Variants in LCK observed in about 807,000 individuals in gnomAD.
The protein encoded by LCK is LCK proto-oncogene, Src family tyrosine kinase, also known as tyrosine-protein kinase Lck.
In LCK, 14 loss-of-function variants were observed where a neutral mutation model predicts 64.6. The ratio of observed to expected loss-of-function variants is 0.22; its 90% CI spans 0.14 to 0.34. The LOEUF (loss-of-function observed/expected upper bound fraction) is 0.34. LCK is among the 10% of genes least tolerant of loss of function. The pLI is 1.00. For missense variants in LCK, 434 were observed against 668.1 expected (o/e 0.65, Z 3.86); for synonymous variants, 277 against 263.6 (o/e 1.05, Z -0.49).
At chr1:32,281,283 A>G (rs1352764858) in intron 12 of LCK, among the ~76,000 whole-genome samples, 1 of 150,850 alleles carries the variant, frequency 6.6e-6, no homozygotes, top group Non-Finnish European at 1.5e-5. Flanking sequence ...AAAAAAAAAA[A>G]CAAACAAACA....
intron 1 of LCK, among the ~76,000 whole-genome samples, chr1:32,268,623 AAAGTAAATAAATAAAT>A (rs1446865113): frequency 7.9e-5 from 12 of 151,924 alleles, no homozygotes; most frequent in South Asian, 2.1e-4. Flanking sequence ...GATACCCATA[AAAGTAAATAAATAAAT>A]AAGTAAATAA....
chr1:32,281,146 G>A (rs559719277), intron 12 of LCK, among the ~76,000 whole-genome samples: 53 of 151,986 alleles, frequency 3.5e-4, no homozygotes, highest in Non-Finnish European at 6.8e-4. Context: ...GGCTGAGGTG[G>A]GAGGATCACC....
intron 12 of LCK, 49 bp from the exon 13 acceptor site, chr1:32,285,465 T>A: frequency 2.6e-6 from 4 of 1,529,860 alleles, no homozygotes; most frequent in Non-Finnish European, 3.6e-6. Flanking sequence ...CCCTTGCCTG[T>A]GGGCTTCCAG....
chr1:32,257,309 C>T (rs1263435649), intron 1 of LCK, among the ~76,000 whole-genome samples: 1 of 150,358 alleles, frequency 6.7e-6, no homozygotes, highest in Non-Finnish European at 1.5e-5. Context: ...AGCGTAGTGG[C>T]CCAATCTTGG....
chr1:32,258,533 G>C (rs1365893077), intron 1 of LCK, among the ~76,000 whole-genome samples: 1 of 149,208 alleles, frequency 6.7e-6, no homozygotes, highest in Non-Finnish European at 1.5e-5. Flanking sequence ...TGTAATCCCA[G>C]CACTTTGGGA....
intron 1 of LCK, among the ~76,000 whole-genome samples, chr1:32,273,469 T>C (rs951605270): frequency 6.6e-6 from 1 of 151,760 alleles, no homozygotes; most frequent in Non-Finnish European, 1.5e-5. Flanking sequence ...TTCATCTTGA[T>C]ATGAAAGGTC....
At chr1:32,262,868 G>GAA (rs539749343) in intron 1 of LCK, among the ~76,000 whole-genome samples, 2,020 of 85,526 alleles carry the variant, frequency 0.024, 49 homozygotes, top group African/African-American at 0.066. Flanking sequence ...GAGGAAGGGA[G>GAA]AAAAAAAAAA....
chr1:32,275,280 G>C lies in LCK; in HGVS notation c.279-41G>C, dbSNP rs1324484687. 2.5e-5 allele frequency: 40 copies of C among 1,600,740 alleles called. No individual in the cohort carries two copies. The highest frequency in any genetic ancestry group is 5.0e-5 in the Admixed American group (3 of 59,906). Reference sequence around the variant, plus strand: ...GGTCTTTGAGGGAGGGTCTCAGGTCGACGGCTGAGCGAGCCACACTGACCC... The same window carrying C: ...GGTCTTTGAGGGAGGGTCTCAGGTCCACGGCTGAGCGAGCCACACTGACCC... On this transcript the variant is annotated intron_variant, in intron 4 of 12. Coordinates refer to ENST00000336890, the MANE Select transcript of LCK (RefSeq NM_005356.5). The surrounding 1 kb of genome is among the most constrained non-coding windows in gnomAD (Gnocchi z 6.9).
In LCK at chr1:32,280,173, G is replaced by A. The variant is rs371007675; in HGVS notation, c.1290G>A (p.Leu430=). Reference sequence around the variant, plus strand: ...ATGTGTGGTCTTTTGGGATCCTGCTGACGGAAATTGTCACCCACGGCCGCA... The same window carrying A: ...ATGTGTGGTCTTTTGGGATCCTGCTAACGGAAATTGTCACCCACGGCCGCA... ...KSDVWSFGIL[L]TEIVTHGRIP... is the part of the protein sequence containing the mutation. Residue 430 remains leucine, a synonymous_variant, in exon 12 of 13, where the codon CTG becomes CTA. Coordinates refer to ENST00000336890, the MANE Select transcript of LCK (RefSeq NM_005356.5). 69 of 1,614,128 alleles carry A rather than the reference G, an allele frequency of 4.3e-5. No homozygotes were observed. In the East Asian group the frequency reaches 5.3e-4, roughly 13 times the overall value.
chr1:32,278,014 A>C (rs1640334821), intron 9 of LCK, among the ~76,000 whole-genome samples: 1 of 152,040 alleles, frequency 6.6e-6, no homozygotes, highest in Non-Finnish European at 1.5e-5. Context: ...CATTCCTACA[A>C]AAAAATGTTT....
intron 12 of LCK, among the ~76,000 whole-genome samples, chr1:32,282,789 GA>G (rs1259762881): frequency 1.3e-5 from 2 of 152,008 alleles, no homozygotes; most frequent in Admixed American, 6.6e-5. Flanking sequence ...CTGGGTGACA[GA>G]GTGAGAGTCC....
intron 1 of LCK, among the ~76,000 whole-genome samples, chr1:32,252,779 G>T (rs1165079676): frequency 6.6e-6 from 1 of 152,234 alleles, no homozygotes; most frequent in African/African-American, 2.4e-5. Context: ...TGTCTCTTAA[G>T]ATCTGGAAAG....
intron 1 of LCK, among the ~76,000 whole-genome samples, chr1:32,266,668 T>TCTCCTCCCCCTCCCCTTCCCC (rs1639922527): frequency 1.3e-4 from 1 of 7,626 alleles, no homozygotes; most frequent in Non-Finnish European, 2.3e-4. Context: ...TCCTCATCCC[T>TCTCCTCCCCCTCCCCTTCCCC]CTCCTCCCCC....
chr1:32,276,052 G>T lies in LCK; in HGVS notation c.620G>T (p.Arg207Leu), dbSNP rs769163098. 2 of 1,613,940 alleles carry T rather than the reference G, an allele frequency of 1.2e-6. No homozygotes were observed. Among genetic ancestry groups the T allele is most frequent in the Non-Finnish European group, 1.7e-6 (2 of 1,179,972 alleles). ...ITFPGLHELV[R>L]HYTNASDGLC... The stretch of plus-strand genomic sequence containing the variant: ...TTTCCCGGCCTGCATGAACTGGTCC[G>T]CCATTACACCAGTGAGCCCGACGGG... Residue 207 changes from arginine to leucine, a missense_variant, in exon 7 of 13, where the codon CGC becomes CTC. Arg to Leu is a moderately radical substitution (Grantham distance 102). Coordinates refer to ENST00000336890, the MANE Select transcript of LCK (RefSeq NM_005356.5). This position sits in a 1 kb window ranked among gnomAD's most constrained non-coding sequence, Gnocchi z 4.6.
At position 32,263,803 on chromosome 1, in the gene LCK, C is replaced by T. The variant is rs532326967; in HGVS notation, c.-5-10522C>T. Among the ~76,000 whole-genome samples the T allele has an allele frequency of 2.0e-5, 3 of 152,158 alleles. No individual in the cohort carries two copies. In the South Asian group the frequency reaches 6.2e-4, roughly 32 times the overall value. On this transcript the variant is annotated intron_variant, in intron 1 of 12. Transcript: ENST00000336890. Reference sequence around the variant, plus strand: ...GCATGGGCCTGCAGTCCCCACTACTCAGGAGGCTGAGGTAAGAGGATCCCT... The same window carrying T: ...GCATGGGCCTGCAGTCCCCACTACTTAGGAGGCTGAGGTAAGAGGATCCCT...
In LCK at chr1:32,276,933, C is replaced by T. The variant is rs867839412; in HGVS notation, c.964+147C>T. 4.7e-5 allele frequency: 39 copies of T among 821,610 alleles called. No homozygotes were observed. The Middle Eastern group carries it at 3.8e-3, about 81-fold the overall frequency. 50.9% of individuals were successfully genotyped at this position (821,610 alleles called of 1,614,324 possible). On this transcript the variant is annotated intron_variant, in intron 9 of 12. Coordinates refer to ENST00000336890, the MANE Select transcript of LCK (RefSeq NM_005356.5). The surrounding 1 kb of genome is among the most constrained non-coding windows in gnomAD (Gnocchi z 4.6). ...CTGCCCCCTGGAGACTCACCTCCAG[C>T]CGGGCGCGGTGGCTCAGGCCTGTAA...
intron 1 of LCK, among the ~76,000 whole-genome samples, chr1:32,262,355 G>C (rs955966312): frequency 4.0e-5 from 6 of 148,534 alleles, no homozygotes; most frequent in Non-Finnish European, 8.9e-5. Flanking sequence ...ACAAAAATCA[G>C]CTGGGTGTGG....
chr1:32,266,424 G>C (rs898342456), intron 1 of LCK, among the ~76,000 whole-genome samples: 9 of 149,810 alleles, frequency 6.0e-5, no homozygotes, highest in African/African-American at 2.2e-4. Context: ...CGTGAACCCA[G>C]GAGGCAGAGC....
chr1:32,267,425 T>C (rs909545495), intron 1 of LCK, among the ~76,000 whole-genome samples: 4 of 152,178 alleles, frequency 2.6e-5, no homozygotes, highest in African/African-American at 9.6e-5. Context: ...CACCATGACA[T>C]GACTTCCGGT....
Sources: allele counts gnomAD v4.1 joint callset (sites outside exome capture counted in the v4.1 genomes callset), GRCh38; gene constraint gnomAD v4.1.1; non-coding constraint Gnocchi (gnomAD v3.1); transcripts MANE v1.5; gene names NCBI Gene and HGNC (gene_info 2026-07-23, HGNC 2026-07-21).